CTNNA2: variants seen among roughly 807,000 people sequenced by gnomAD.
CTNNA2 encodes catenin alpha 2.
CTNNA2 carries 42 observed loss-of-function variants against 101.0 expected under a neutral mutation model. The ratio of observed to expected loss-of-function variants is 0.42; its 90% CI spans 0.32 to 0.54. The LOEUF (loss-of-function observed/expected upper bound fraction) is 0.54. CTNNA2 is among the 20% of genes least tolerant of loss of function. CTNNA2 has a pLI of 0.14. For synonymous variants in CTNNA2, 450 were observed against 456.4 expected (o/e 0.99, Z 0.18); for missense variants, 871 against 1,223.1 (o/e 0.71, Z 4.29).
chr2:80,331,811 C>A (rs774582257), intron 7 of CTNNA2, among the ~76,000 whole-genome samples: 2 of 152,142 alleles, frequency 1.3e-5, no homozygotes, highest in Non-Finnish European at 2.9e-5. Flanking sequence ...GCCTTAAGAA[C>A]TGCTCCCCTC....
chr2:80,175,370 C>A (rs368798008), intron 7 of CTNNA2, among the ~76,000 whole-genome samples: 6 of 152,142 alleles, frequency 3.9e-5, no homozygotes, highest in Non-Finnish European at 7.4e-5. Context: ...GTAGGATCTA[C>A]TTTGGCAGGA....
intron 7 of CTNNA2, among the ~76,000 whole-genome samples, chr2:80,075,541 A>T (rs1459772871): frequency 6.9e-6 from 1 of 145,830 alleles, no homozygotes; most frequent in African/African-American, 2.5e-5. Context: ...CTGTTATAAA[A>T]ATAATATTTA....
chr2:80,174,675 ACC>A (rs1266210024), intron 7 of CTNNA2, among the ~76,000 whole-genome samples: 3 of 151,590 alleles, frequency 2.0e-5, no homozygotes, highest in East Asian at 1.9e-4. Context: ...CACCACATTC[ACC>A]CCCAGTCTGT....
At chr2:79,983,102 A>T (rs896175867) in intron 7 of CTNNA2, among the ~76,000 whole-genome samples, 1 of 150,814 alleles carries the variant, frequency 6.6e-6, no homozygotes. Flanking sequence ...ATAACCCCTC[A>T]AGGTCCAGTC....
intron 7 of CTNNA2, among the ~76,000 whole-genome samples, chr2:80,030,059 G>A (rs1574583308): frequency 6.6e-6 from 1 of 151,974 alleles, no homozygotes; most frequent in African/African-American, 2.4e-5. Flanking sequence ...GAAAACACAA[G>A]CTGAAAACAG....
intron 2 of CTNNA2, among the ~76,000 whole-genome samples, chr2:79,216,872 A>G (rs1674270283): frequency 6.6e-6 from 1 of 152,136 alleles, no homozygotes; most frequent in South Asian, 2.1e-4. Context: ...GTGAAGGACC[A>G]AGGCAGGCAT....
intron 7 of CTNNA2, among the ~76,000 whole-genome samples, chr2:80,060,025 G>A (rs1174956260): frequency 6.6e-6 from 1 of 152,182 alleles, no homozygotes; most frequent in African/African-American, 2.4e-5. Flanking sequence ...AATAAAATTT[G>A]CTATTTTGTC....
chr2:79,651,418 A>T (rs1681240788), intron 1 of CTNNA2, 134 bp from the exon 2 acceptor site: 1 of 789,968 alleles, frequency 1.3e-6, no homozygotes, highest in South Asian at 1.7e-5. Context: ...TCCATCTCTA[A>T]TTTGACCAGG....
intron 4 of CTNNA2, among the ~76,000 whole-genome samples, chr2:79,438,892 T>C (rs1678747525): frequency 6.6e-6 from 1 of 152,148 alleles, no homozygotes; most frequent in Non-Finnish European, 1.5e-5. Context: ...GCACTGGGGA[T>C]GACTAAAATA....
At chr2:79,567,269 T>A (rs1363002443) in intron 1 of CTNNA2, among the ~76,000 whole-genome samples, 1 of 151,734 alleles carries the variant, frequency 6.6e-6, no homozygotes, top group Non-Finnish European at 1.5e-5. Context: ...TCTCTTTGCC[T>A]AATGGATTTT....
At chr2:80,581,229 C>G (rs1300748039) in intron 13 of CTNNA2, among the ~76,000 whole-genome samples, 2 of 152,240 alleles carry the variant, frequency 1.3e-5, no homozygotes, top group South Asian at 2.1e-4. Context: ...AGTCTTGACT[C>G]TAGAGCCTGT....
rs145895566 is a variant in CTNNA2, at chr2:80,329,045, T to C, written c.1057-64166T>C. 7.1e-3 allele frequency among the ~76,000 whole-genome samples: 1,084 copies of C among 152,348 alleles called. 14 individuals are homozygous for C. The highest frequency in any genetic ancestry group is 0.025 in the African/African-American group (1,021 of 41,572). ...TGACTGTATAAGTTTATATGTAAGT[T>C]TGTACAGTGCAGTTGGTATTCCTTT... is the stretch of plus-strand genomic sequence containing the variant. On this transcript the variant is annotated intron_variant, in intron 7 of 18. Transcript: ENST00000402739.
At position 80,648,673 on chromosome 2, in the gene CTNNA2, A is replaced by C. The variant is rs1202228035; in HGVS notation, c.*801A>C. The C allele has an allele frequency of 2.0e-5, 3 of 152,158 alleles. No homozygotes were observed. The highest frequency in any genetic ancestry group is 4.4e-5 in the Non-Finnish European group (3 of 68,028). The allele number at this position is 152,158 out of a possible 1,614,324, so 9.4% of individuals were successfully genotyped here. ...TGGAATATTAGAGGGAAGGAAACTG[A>C]CAACGTGTGAAAGTTAGAGGCAAAT... On this transcript the variant is annotated 3_prime_UTR_variant, in exon 19 of 19. Transcript: ENST00000402739.
intron 3 of CTNNA2, among the ~76,000 whole-genome samples, chr2:79,854,045 G>T (rs544447240): frequency 6.6e-6 from 1 of 152,278 alleles, no homozygotes; most frequent in South Asian, 2.1e-4. Flanking sequence ...TCAAGCTGAT[G>T]CACAATTATG....
intron 9 of CTNNA2, among the ~76,000 whole-genome samples, chr2:80,496,395 C>CTTTTTTTT (rs34221173): frequency 6.8e-5 from 9 of 131,736 alleles, no homozygotes; most frequent in Non-Finnish European, 6.5e-5. Flanking sequence ...TCTTCACTGT[C>CTTTTTTTT]TTTTTTTTTT....
rs144148936 is a variant in CTNNA2 at position 80,355,059 on chromosome 2, A to G, written c.1057-38152A>G. 8.1e-3 allele frequency among the ~76,000 whole-genome samples: 1,238 copies of G among 152,292 alleles called. 13 individuals are homozygous for G. Among genetic ancestry groups the G allele is most frequent in the African/African-American group, 0.028 (1,165 of 41,572 alleles). On this transcript the variant is annotated intron_variant, in intron 7 of 18. Coordinates refer to ENST00000402739, the MANE Select transcript of CTNNA2 (RefSeq NM_001282597.3). ...ATGTGGACAGGATAAGGGCTGGTTTATCATGTGCTAGTTTACCACTGCAGT... is the reference window on the plus strand; with the variant it reads ...ATGTGGACAGGATAAGGGCTGGTTTGTCATGTGCTAGTTTACCACTGCAGT...
chr2:79,709,677 T>G (rs997824626), intron 2 of CTNNA2, among the ~76,000 whole-genome samples: 2 of 152,108 alleles, frequency 1.3e-5, no homozygotes, highest in African/African-American at 2.4e-5. Context: ...TCAGAAACTG[T>G]GGGCATGTTT....
intron 3 of CTNNA2, among the ~76,000 whole-genome samples, chr2:79,781,763 C>CTG (rs1674446768): frequency 6.6e-6 from 1 of 152,186 alleles, no homozygotes; most frequent in African/African-American, 2.4e-5. Context: ...TAATTTATAT[C>CTG]TGTGTGTGTG....
chr2:80,178,186 G>A (rs1261889003), intron 7 of CTNNA2, among the ~76,000 whole-genome samples: 1 of 152,172 alleles, frequency 6.6e-6, no homozygotes, highest in African/African-American at 2.4e-5. Flanking sequence ...TAACTTACTT[G>A]TGCCCCAAGG....
Sources: allele counts gnomAD v4.1 joint callset (sites outside exome capture counted in the v4.1 genomes callset), GRCh38; gene constraint gnomAD v4.1.1; transcripts MANE v1.5; gene names NCBI Gene and HGNC (gene_info 2026-07-23, HGNC 2026-07-21).